The following KCNC4 variants were observed in gnomAD, a reference collection of about 807,000 sequenced individuals.
KCNC4 encodes the protein potassium voltage-gated channel subfamily C member 4.
A neutral mutation model predicts 42.8 loss-of-function variants in KCNC4; 23 were observed. The observed-to-expected ratio is 0.54, with a 90% confidence interval of 0.39 to 0.76. KCNC4 has a LOEUF of 0.76. KCNC4 is among the 30% of genes least tolerant of loss of function. The pLI is 0.00. For synonymous variants in KCNC4, 422 were observed against 393.5 expected, an observed-to-expected ratio of 1.07 and a Z score of -0.86; for missense variants, 751 against 898.2, an observed-to-expected ratio of 0.84 and a Z score of 2.10.
intron 2 of KCNC4, chr1:110,224,700 G>A (rs1327781008): frequency 6.6e-6 from 1 of 152,276 alleles, no homozygotes; most frequent in Non-Finnish European, 1.5e-5. Context: ...CTCCGCCCCT[G>A]AATCAGGAGT....
At chr1:110,272,529 T>G (rs890155113) in intron 1 of KCNC4, 5 of 152,198 alleles carry the variant, frequency 3.3e-5, no homozygotes, top group African/African-American at 9.7e-5. Flanking sequence ...CCAGAGCTCT[T>G]AAGGTTATAA....
At chr1:110,231,831 A>G (rs1189476288) in intron 3 of KCNC4, among the ~76,000 whole-genome samples, 1 of 102,978 alleles carries the variant, frequency 9.7e-6, no homozygotes, top group Non-Finnish European at 1.7e-5. Flanking sequence ...ATACAGTCTT[A>G]AGAAGATGGA....
chr1:110,212,238 T>C (rs1571019627), intron 1 of KCNC4, 61 bp downstream of exon 1: 1 of 1,370,936 alleles, frequency 7.3e-7, no homozygotes, highest in East Asian at 2.9e-5. Context: ...TGGTGGGTGG[T>C]GGGTAGGGGC....
rs747202398 is a variant in KCNC4 at position 110,211,489 on chromosome 1, C to T, written c.-11C>T. The T allele has an allele frequency of 1.2e-6, 2 of 1,606,232 alleles. No homozygotes were observed. Among genetic ancestry groups the T allele is most frequent in the East Asian group, 2.2e-5 (1 of 44,582 alleles). On this transcript the variant is annotated 5_prime_UTR_variant, in exon 1 of 4. Transcript: ENST00000438661. This position sits in a 1 kb window ranked among gnomAD's most constrained non-coding sequence, Gnocchi z 6.5. The stretch of plus-strand genomic sequence containing the variant: ...GCGGCCGCCCCAAGCCGGAGCCCCG[C>T]AGCGCTTCTTATGATCAGCTCGGTG...
intron 2 of KCNC4, 85 bp from the exon 3 acceptor site, chr1:110,225,890 C>T: frequency 1.6e-6 from 2 of 1,289,154 alleles, no homozygotes; most frequent in South Asian, 1.4e-5. Flanking sequence ...GGAAGTAACA[C>T]TCTGGGTCTG....
rs1264572875 is a variant in KCNC4, at chr1:110,223,354, A to G, written c.1069A>G (p.Ile357Val). The G allele has an allele frequency of 2.5e-6, 4 of 1,613,770 alleles. No individual in the cohort carries two copies. The highest frequency in any genetic ancestry group is 3.4e-6 in the Non-Finnish European group (4 of 1,179,924). The change falls in exon 2 of 4, where the codon ATC (isoleucine) becomes GTC (valine). Residue 357 changes from isoleucine (I) to valine (V), a missense_variant. Physicochemically the swap from Ile to Val is conservative, Grantham distance 29. Transcript: ENST00000438661. This position sits in a 1 kb window ranked among gnomAD's most constrained non-coding sequence, Gnocchi z 7.5. ...RVVRFVRILR[I>V]FKLTRHFVGL... ...GGTGCGCTTCGTGCGCATCCTGCGTATCTTCAAGCTCACACGCCACTTCGT... is the reference window on the plus strand; with the variant it reads ...GGTGCGCTTCGTGCGCATCCTGCGTGTCTTCAAGCTCACACGCCACTTCGT...
At chr1:110,249,427 G>C (rs1420474950), downstream of KCNC4, among the ~76,000 whole-genome samples, 1 of 152,188 alleles carries the variant, frequency 6.6e-6, no homozygotes, top group Admixed American at 6.5e-5. Flanking sequence ...CTGGCACCTG[G>C]TTAGCACGTT....
At chr1:110,231,890 G>A (rs1337149044) in intron 3 of KCNC4, among the ~76,000 whole-genome samples, 1 of 152,164 alleles carries the variant, frequency 6.6e-6, no homozygotes, top group Non-Finnish European at 1.5e-5. Flanking sequence ...AAAGGTGATG[G>A]AGGCACCCCG....
chr1:110,215,211 C>G (rs928965898), intron 1 of KCNC4, among the ~76,000 whole-genome samples: 2 of 152,208 alleles, frequency 1.3e-5, no homozygotes, highest in Non-Finnish European at 2.9e-5. Flanking sequence ...CAGGCCTGGC[C>G]CAAGGAGCTG....
At chr1:110,214,096 A>G (rs960136054) in intron 1 of KCNC4, among the ~76,000 whole-genome samples, 2 of 152,252 alleles carry the variant, frequency 1.3e-5, no homozygotes, top group Admixed American at 6.5e-5. Flanking sequence ...GAGTAAGCTC[A>G]GAGCCTGGCC....
intron 1 of KCNC4, among the ~76,000 whole-genome samples, chr1:110,214,623 C>G (rs946473176): frequency 1.3e-5 from 2 of 152,174 alleles, no homozygotes; most frequent in Non-Finnish European, 2.9e-5. Flanking sequence ...AAACAACTTG[C>G]CTGAGATCAC....
At chr1:110,244,800 AG>A (rs1198026977) in exon 4 of KCNC4, 8 of 152,178 alleles carry the variant, frequency 5.3e-5, no homozygotes, top group Non-Finnish European at 1.0e-4. Flanking sequence ...GACAGGAATT[AG>A]GGGGCCCGAA....
chr1:110,281,465 T>C (rs557784279), intron 1 of KCNC4, among the ~76,000 whole-genome samples: 2 of 149,530 alleles, frequency 1.3e-5, no homozygotes, highest in Non-Finnish European at 3.0e-5. Flanking sequence ...CAGGAACCCA[T>C]GGACTGAGGA....
In KCNC4 at chr1:110,211,543, C is replaced by T. The variant is rs1657449285; in HGVS notation, c.44C>T (p.Ser15Leu). 2 of 1,614,056 alleles carry T rather than the reference C, an allele frequency of 1.2e-6. No homozygotes were observed. The highest frequency in any genetic ancestry group is 1.7e-4 in the Middle Eastern group (1 of 6,060). ...GTCTCCTCCTACCGCGGGCGCAAGT[C>T]GGGGAACAAGCCTCCGTCCAAAACA... ...VCVSSYRGRK[S>L]GNKPPSKTCL... Residue 15 changes from serine (S) to leucine (L), a missense_variant, in exon 1 of 4, where the codon TCG (serine) becomes TTG (leucine). Coordinates refer to ENST00000438661, the MANE Select transcript of KCNC4 (RefSeq NM_001039574.3). The surrounding 1 kb of genome is among the most constrained non-coding windows in gnomAD (Gnocchi z 6.5).
At chr1:110,258,628 C>A (rs1659376082) in intron 1 of KCNC4, among the ~76,000 whole-genome samples, 1 of 152,214 alleles carries the variant, frequency 6.6e-6, no homozygotes, top group African/African-American at 2.4e-5. Context: ...CCCATCCATC[C>A]TCCTTCAAAT....
chr1:110,213,975 G>A (rs1657645578), intron 1 of KCNC4, among the ~76,000 whole-genome samples: 1 of 152,184 alleles, frequency 6.6e-6, no homozygotes, highest in Admixed American at 6.5e-5. Flanking sequence ...ACTTCTAGGG[G>A]CTTTTCACCT....
At chr1:110,237,954 C>G (rs1035966358), downstream of KCNC4, 1 of 152,262 alleles carries the variant, frequency 6.6e-6, no homozygotes, top group Non-Finnish European at 1.5e-5. Context: ...ACACTGGTAC[C>G]CACACAAGAG....
Position 110,211,671 on chromosome 1 carries a change from C to T in KCNC4, c.172C>T (p.Pro58Ser). ...CTACCGCAGCACCCTGCGCACCCTA[C>T]CGGGAACCCGCCTCGCCTGGCTGGC... Reference protein sequence around the residue: ...ETYRSTLRTLPGTRLAWLADP... With the variant: ...ETYRSTLRTLSGTRLAWLADP... The change falls in exon 1 of 4, where the codon CCG (proline) becomes TCG (serine). Residue 58 changes from proline to serine, a missense_variant. This residue lies in a region of KCNC4 where 183 missense variants were observed against 255.8 expected (regional missense o/e 0.72). Transcript: ENST00000438661. This position sits in a 1 kb window ranked among gnomAD's most constrained non-coding sequence, Gnocchi z 6.5. 6.2e-7 allele frequency: 1 copy of T among 1,612,450 alleles called. No homozygotes were observed. The highest frequency in any genetic ancestry group is 8.5e-7 in the Non-Finnish European group (1 of 1,179,448).
intron 1 of KCNC4, among the ~76,000 whole-genome samples, chr1:110,218,137 G>A (rs140269292): frequency 1.8e-4 from 28 of 152,172 alleles, no homozygotes; most frequent in Admixed American, 4.6e-4. Context: ...CCCTGCCCCC[G>A]CTGATTGTAT....
Sources: gnomAD v4.1 joint callset for allele counts (sites outside exome capture counted in the v4.1 genomes callset) on GRCh38, gnomAD v4.1.1 for gene constraint, gnomAD v4.1.1 regional missense constraint, Gnocchi (gnomAD v3.1) non-coding constraint, MANE v1.5 for transcripts, NCBI Gene and HGNC (gene_info 2026-07-23, HGNC 2026-07-21) for gene names.